The following FGD6 variants were observed in gnomAD, a reference collection of about 807,000 sequenced individuals.
FGD6 encodes FYVE, RhoGEF and PH domain-containing protein 6.
Under a neutral mutation model 149.4 loss-of-function variants are expected in FGD6, and 90 were observed. That is an observed-to-expected ratio of 0.60 (90% CI 0.51 to 0.72). The LOEUF is 0.72. FGD6 is among the 30% of genes least tolerant of loss of function. The pLI, the probability that FGD6 is intolerant of heterozygous loss-of-function variation, is 0.00. For missense variants in FGD6, 1,437 were observed against 1,684.8 expected (o/e 0.85, Z 2.57); for synonymous variants, 527 against 584.0 (o/e 0.90, Z 1.41).
chr12:95,179,385 T>C (rs1881217764), intron 2 of FGD6, among the ~76,000 whole-genome samples: 1 of 151,848 alleles, frequency 6.6e-6, no homozygotes, highest in African/African-American at 2.4e-5. Flanking sequence ...TGGTCCTAGC[T>C]ACCTAGCTAC....
At chr12:95,160,136 G>A (rs1267476840) in intron 3 of FGD6, among the ~76,000 whole-genome samples, 1 of 151,906 alleles carries the variant, frequency 6.6e-6, no homozygotes, top group Non-Finnish European at 1.5e-5. Flanking sequence ...CTTGAGCACA[G>A]GAGTTTGAGA....
chr12:95,195,865 A>C (rs1881723432), intron 2 of FGD6, among the ~76,000 whole-genome samples: 1 of 150,386 alleles, frequency 6.6e-6, no homozygotes, highest in African/African-American at 2.5e-5. Context: ...ACATCTAATA[A>C]AATTATATAG....
chr12:95,151,514 C>T (rs1008192212), intron 5 of FGD6, among the ~76,000 whole-genome samples: 2 of 152,118 alleles, frequency 1.3e-5, no homozygotes, highest in East Asian at 1.9e-4. Flanking sequence ...GTGATCTACC[C>T]GCTTCAGCCT....
intron 5 of FGD6, among the ~76,000 whole-genome samples, chr12:95,146,870 T>C (rs1443890234): frequency 2.1e-5 from 3 of 144,878 alleles, no homozygotes; most frequent in African/African-American, 7.6e-5. Context: ...AGGGAAGACC[T>C]AAGCAAAAAA....
chr12:95,187,767 T>C (rs1180672005), intron 2 of FGD6, among the ~76,000 whole-genome samples: 1 of 151,958 alleles, frequency 6.6e-6, no homozygotes, highest in Admixed American at 6.6e-5. Flanking sequence ...TACAGTGAGG[T>C]CATGTGAGCC....
intron 13 of FGD6, 111 bp from the exon 14 acceptor site, chr12:95,105,197 C>T (rs1011029142): frequency 1.5e-5 from 13 of 864,352 alleles, no homozygotes; most frequent in Non-Finnish European, 2.4e-5. Context: ...ATCTTCCTAT[C>T]CAGCTTTCTC....
intron 2 of FGD6, among the ~76,000 whole-genome samples, chr12:95,191,322 C>A (rs1881582764): frequency 6.6e-6 from 1 of 152,158 alleles, no homozygotes; most frequent in Non-Finnish European, 1.5e-5. Flanking sequence ...TCTTTTAATT[C>A]AATTTCTCTT....
At chr12:95,112,099 T>C (rs971249122) in intron 9 of FGD6, among the ~76,000 whole-genome samples, 2 of 151,672 alleles carry the variant, frequency 1.3e-5, no homozygotes, top group African/African-American at 4.8e-5. Flanking sequence ...CAGGGTGTGA[T>C]GGTATGTGCC....
At chr12:95,176,870 C>T (rs1333121029) in intron 2 of FGD6, among the ~76,000 whole-genome samples, 1 of 151,874 alleles carries the variant, frequency 6.6e-6, no homozygotes, top group Non-Finnish European at 1.5e-5. Flanking sequence ...ACTCTGTCAC[C>T]CAGGCTGGAG....
In FGD6 at chr12:95,113,650, C is replaced by T; in HGVS notation, c.3133+1G>A. On this transcript the variant is annotated splice_donor_variant, in intron 9 of 20. Coordinates refer to ENST00000343958, the MANE Select transcript of FGD6 (RefSeq NM_018351.4). LOFTEE classifies it high-confidence loss of function. ...CTTCTGCAACCACAGAAGTTATTTACCTTGAGTGTCTCTGTAATCTCCAGC... is the reference window on the plus strand; with the variant it reads ...CTTCTGCAACCACAGAAGTTATTTATCTTGAGTGTCTCTGTAATCTCCAGC... 6.3e-7 allele frequency: 1 copy of T among 1,591,464 alleles called. No individual in the cohort carries two copies. Among genetic ancestry groups the T allele is most frequent in the Non-Finnish European group, 8.5e-7 (1 of 1,170,702 alleles).
chr12:95,144,466 C>G (rs2136265388), intron 5 of FGD6, among the ~76,000 whole-genome samples: 1 of 152,076 alleles, frequency 6.6e-6, no homozygotes, highest in East Asian at 1.9e-4. Flanking sequence ...GATCTCAGCT[C>G]ACCACAACCT....
chr12:95,202,327 C>T (rs2056668072), intron 2 of FGD6, among the ~76,000 whole-genome samples: 1 of 151,034 alleles, frequency 6.6e-6, no homozygotes, highest in African/African-American at 2.4e-5. Context: ...GTGGAGGTTG[C>T]AATAAGCCAA....
intron 2 of FGD6, among the ~76,000 whole-genome samples, chr12:95,174,532 C>T (rs1343024417): frequency 6.6e-6 from 1 of 152,182 alleles, no homozygotes; most frequent in Non-Finnish European, 1.5e-5. Context: ...AGAAGCTCTG[C>T]TCTAAAAGGC....
intron 13 of FGD6, among the ~76,000 whole-genome samples, chr12:95,106,528 C>T (rs920028445): frequency 2.0e-5 from 3 of 151,880 alleles, no homozygotes; most frequent in East Asian, 1.9e-4. Flanking sequence ...TTGTGATCCA[C>T]CGGCCTCAGC....
At chr12:95,215,993 G>C (rs1186610749) in intron 1 of FGD6, among the ~76,000 whole-genome samples, 2 of 152,222 alleles carry the variant, frequency 1.3e-5, no homozygotes, top group Admixed American at 6.5e-5. Context: ...CCTTATGTAA[G>C]TATAAAGCCT....
At chr12:95,126,438 A>G (rs1361492714) in intron 8 of FGD6, 1 of 1,088,116 alleles carries the variant, frequency 9.2e-7, no homozygotes, top group Non-Finnish European at 1.3e-6. Flanking sequence ...AAAACAAACA[A>G]AAAACAAAGG....
At chr12:95,107,229 C>G (rs1199536921) in intron 12 of FGD6, among the ~76,000 whole-genome samples, 192 bp from the exon 13 acceptor site, 1 of 152,198 alleles carries the variant, frequency 6.6e-6, no homozygotes, top group African/African-American at 2.4e-5. Flanking sequence ...AAGGCACTTT[C>G]TGGAAAACGT....
chr12:95,198,629 T>C (rs1322704467), intron 2 of FGD6, among the ~76,000 whole-genome samples: 1 of 152,074 alleles, frequency 6.6e-6, no homozygotes, highest in African/African-American at 2.4e-5. Context: ...TTAGTAGAGA[T>C]GGGGTTTCAC....
intron 3 of FGD6, among the ~76,000 whole-genome samples, chr12:95,160,112 A>G (rs542314345): frequency 1.3e-5 from 2 of 152,082 alleles, no homozygotes; most frequent in African/African-American, 2.4e-5. Flanking sequence ...TGGGAGGCTG[A>G]GGTGGGAGGA....
Sources: gnomAD v4.1 joint callset for allele counts (sites outside exome capture counted in the v4.1 genomes callset) on GRCh38, gnomAD v4.1.1 for gene constraint, MANE v1.5 for transcripts, NCBI Gene and HGNC (gene_info 2026-07-23, HGNC 2026-07-21) for gene names.